The following FTCDNL1 variants were observed in gnomAD, a reference collection of about 807,000 sequenced individuals.
The protein encoded by FTCDNL1 is formiminotransferase cyclodeaminase N-terminal like.
FTCDNL1 carries 11 observed loss-of-function variants against 5.9 expected under a neutral mutation model. The observed-to-expected ratio is 1.87, with a 90% CI of 1.18 to 3.10. FTCDNL1 has a LOEUF of 3.10. Among genes scored for constraint, FTCDNL1 ranks in the 30% most tolerant of loss-of-function variants. FTCDNL1 has a pLI of 0.00. For synonymous variants in FTCDNL1, 58 were observed against 24.8 expected (o/e 2.34, Z -3.99); for missense variants, 115 against 65.5 (o/e 1.76, Z -2.61).
At chr2:199,720,143 G>A in the FTCDNL1 span, among the ~76,000 whole-genome samples, 1 of 152,040 alleles carries the variant, frequency 6.6e-6, no homozygotes, top group Non-Finnish European at 1.5e-5. Flanking sequence ...GGTTTTCTAG[G>A]CATATGATCA....
At chr2:199,687,096 C>A in the FTCDNL1 span, among the ~76,000 whole-genome samples, 1 of 152,172 alleles carries the variant, frequency 6.6e-6, no homozygotes, top group Admixed American at 6.5e-5. Context: ...TGTGTCTTCA[C>A]AAACTTTCCA....
the FTCDNL1 span, among the ~76,000 whole-genome samples, chr2:199,721,364 T>C: frequency 2.0e-5 from 3 of 152,214 alleles, no homozygotes; most frequent in Non-Finnish European, 4.4e-5. Flanking sequence ...GTTGAGAACA[T>C]GCAGTGTTCG....
chr2:199,806,584 A>ACAAAC (rs60080294), downstream of FTCDNL1, among the ~76,000 whole-genome samples: 2,769 of 152,346 alleles, frequency 0.018, 34 homozygotes, highest in Non-Finnish European at 0.028. Context: ...CCAAGACAGT[A>ACAAAC]CAAACCAATT....
chr2:199,724,523 G>C, the FTCDNL1 span, among the ~76,000 whole-genome samples: 1 of 151,992 alleles, frequency 6.6e-6, no homozygotes, highest in Non-Finnish European at 1.5e-5. Flanking sequence ...GTCATTTAGC[G>C]CTCTAAATTT....
chr2:199,808,914 T>C (rs1297961542), downstream of FTCDNL1, among the ~76,000 whole-genome samples: 3 of 152,170 alleles, frequency 2.0e-5, no homozygotes, highest in African/African-American at 7.2e-5. Flanking sequence ...TCCAAACCAC[T>C]GTCTGCTGTT....
At chr2:199,786,084 T>C (rs1299768169) in intron 3 of FTCDNL1, among the ~76,000 whole-genome samples, 3 of 152,116 alleles carry the variant, frequency 2.0e-5, no homozygotes, top group Admixed American at 6.5e-5. Context: ...CTTGCCCTCC[T>C]GCTGCTCACC....
intron 3 of FTCDNL1, among the ~76,000 whole-genome samples, chr2:199,775,151 G>A (rs1304875368): frequency 6.6e-6 from 1 of 152,186 alleles, no homozygotes; most frequent in Non-Finnish European, 1.5e-5. Context: ...TTCATTGTCT[G>A]CGTTCTCCAA....
chr2:199,831,233 G>C (rs562996488), intron 3 of FTCDNL1, among the ~76,000 whole-genome samples: 1 of 152,246 alleles, frequency 6.6e-6, no homozygotes, highest in Admixed American at 6.5e-5. Context: ...ATGGAAATGA[G>C]GTCAGGATAA....
the FTCDNL1 span, among the ~76,000 whole-genome samples, chr2:199,754,418 C>T: frequency 6.6e-6 from 1 of 152,068 alleles, no homozygotes; most frequent in African/African-American, 2.4e-5. Flanking sequence ...GGGTTAGAGG[C>T]AGCATATCAG....
intron 3 of FTCDNL1, among the ~76,000 whole-genome samples, chr2:199,787,185 T>C (rs1699696420): frequency 6.6e-6 from 1 of 150,936 alleles, no homozygotes; most frequent in Non-Finnish European, 1.5e-5. Context: ...TTCTTTTCTT[T>C]TCTTTTTTTT....
the FTCDNL1 span, among the ~76,000 whole-genome samples, chr2:199,744,223 C>T: frequency 1.3e-5 from 2 of 152,180 alleles, no homozygotes; most frequent in Non-Finnish European, 2.9e-5. Context: ...CTTTAAGCCC[C>T]TGCTATGGAC....
chr2:199,702,097 T>C, the FTCDNL1 span, among the ~76,000 whole-genome samples: 2 of 152,104 alleles, frequency 1.3e-5, no homozygotes, highest in South Asian at 4.2e-4. Context: ...TGAGTACATA[T>C]GGATACAGAG....
chr2:199,829,175 C>A (rs1313283128), intron 3 of FTCDNL1, among the ~76,000 whole-genome samples: 1 of 152,100 alleles, frequency 6.6e-6, no homozygotes, highest in Non-Finnish European at 1.5e-5. Flanking sequence ...TATTAAAAGA[C>A]CAGTTTTTTT....
the FTCDNL1 span, among the ~76,000 whole-genome samples, chr2:199,755,425 G>A: frequency 6.6e-6 from 1 of 152,222 alleles, no homozygotes. Context: ...GGCAAGGTGA[G>A]GGAAGGCCAG....
chr2:199,676,417 A>G, the FTCDNL1 span, among the ~76,000 whole-genome samples: 2 of 152,062 alleles, frequency 1.3e-5, no homozygotes, highest in Non-Finnish European at 2.9e-5. Context: ...TTTCATATAT[A>G]TTATATATAA....
chr2:199,691,411 A>C, the FTCDNL1 span, among the ~76,000 whole-genome samples: 1 of 152,130 alleles, frequency 6.6e-6, no homozygotes, highest in Non-Finnish European at 1.5e-5. Context: ...GACCTCAGGT[A>C]ATCTGCCCGA....
chr2:199,731,840 A>T, the FTCDNL1 span, among the ~76,000 whole-genome samples: 3 of 151,204 alleles, frequency 2.0e-5, no homozygotes, highest in Non-Finnish European at 2.9e-5. Flanking sequence ...GTGAGCCGAG[A>T]TCCCGCCACT....
intron 3 of FTCDNL1, among the ~76,000 whole-genome samples, chr2:199,832,499 T>C (rs1702438140): frequency 6.6e-6 from 1 of 152,204 alleles, no homozygotes; most frequent in Admixed American, 6.5e-5. Flanking sequence ...GTACTGAATA[T>C]CATTTTGCAA....
chr2:199,724,352 A>AT, the FTCDNL1 span, among the ~76,000 whole-genome samples: 312 of 151,910 alleles, frequency 2.1e-3, 1 homozygote, highest in African/African-American at 7.0e-3. Context: ...GGATTCATTG[A>AT]TTTTTTAAGG....
Sources: allele counts gnomAD v4.1 joint callset (sites outside exome capture counted in the v4.1 genomes callset), GRCh38; gene constraint gnomAD v4.1.1; transcripts MANE v1.5; gene names NCBI Gene and HGNC (gene_info 2026-07-23, HGNC 2026-07-21).